CADM2: variants seen among roughly 807,000 people sequenced by gnomAD.
CADM2 encodes immunoglobulin superfamily member 4D.
Under a neutral mutation model 49.8 loss-of-function variants are expected in CADM2, and 12 were observed. That is an observed-to-expected ratio of 0.24 (90% CI 0.15 to 0.39). The LOEUF (loss-of-function observed/expected upper bound fraction) is 0.39, where lower values mean the gene tolerates loss of function less well. CADM2 is among the 10% of genes least tolerant of loss of function. CADM2 has a pLI of 1.00. For synonymous variants in CADM2, 214 were observed against 175.4 expected (o/e 1.22, Z -1.74); for missense variants, 378 against 492.3 (o/e 0.77, Z 2.20).
intron 3 of CADM2, among the ~76,000 whole-genome samples, chr3:85,808,821 AT>A (rs1157768824): frequency 3.3e-5 from 5 of 152,314 alleles, no homozygotes; most frequent in African/African-American, 1.2e-4. Context: ...TATTCTAATA[AT>A]TTTACACTAA....
intron 1 of CADM2, among the ~76,000 whole-genome samples, chr3:85,593,853 A>AC (rs2063174353): frequency 6.6e-6 from 1 of 151,890 alleles, no homozygotes; most frequent in African/African-American, 2.4e-5. Flanking sequence ...TCTCATTGTC[A>AC]CCCCTTCCCT....
intron 5 of CADM2, among the ~76,000 whole-genome samples, chr3:85,888,903 C>G (rs1382848805): frequency 4.6e-5 from 7 of 152,068 alleles, no homozygotes; most frequent in Non-Finnish European, 1.0e-4. Flanking sequence ...AGTTTGACTT[C>G]CTATTACTAT....
intron 1 of CADM2, among the ~76,000 whole-genome samples, chr3:85,618,941 T>C (rs186643257): frequency 6.6e-6 from 1 of 152,010 alleles, no homozygotes; most frequent in Admixed American, 6.6e-5. Context: ...CTCAGGAGGC[T>C]GAGGCAGGAG....
At chr3:85,718,277 T>C (rs2067369962) in intron 1 of CADM2, among the ~76,000 whole-genome samples, 1 of 152,186 alleles carries the variant, frequency 6.6e-6, no homozygotes, top group Non-Finnish European at 1.5e-5. Flanking sequence ...ATTTCTAAAA[T>C]AGCTTTTTGG....
At chr3:85,220,546 GT>G (rs779235036) in intron 1 of CADM2, among the ~76,000 whole-genome samples, 1 of 152,244 alleles carries the variant, frequency 6.6e-6, no homozygotes, top group East Asian at 1.9e-4. Flanking sequence ...TAGGGCTTAT[GT>G]TTGTAATCTG....
intron 1 of CADM2, among the ~76,000 whole-genome samples, chr3:85,449,184 A>AT (rs34217400): frequency 3.3e-5 from 5 of 149,880 alleles, no homozygotes; most frequent in East Asian, 2.0e-4. Flanking sequence ...TTTCATTTTA[A>AT]TTTTTTTTTC....
intron 1 of CADM2, among the ~76,000 whole-genome samples, chr3:85,370,269 A>G (rs1398314047): frequency 6.9e-6 from 1 of 144,058 alleles, no homozygotes; most frequent in Non-Finnish European, 1.5e-5. Context: ...AAATTTTAAA[A>G]AATAACTTGG....
rs145822928 is a variant in CADM2 at position 85,327,715 on chromosome 3, C to A, written c.61+368047C>A. Among the ~76,000 whole-genome samples the A allele has an allele frequency of 4.4e-3, 669 of 152,098 alleles. 6 individuals carry two copies. Among genetic ancestry groups the A allele is most frequent in the South Asian group, 0.015 (70 of 4,826 alleles). On this transcript the variant is annotated intron_variant, in intron 1 of 9. Coordinates refer to ENST00000383699, the MANE Select transcript of CADM2 (RefSeq NM_001167675.2). ...GGTATTTTATTTCATTATAACTATT[C>A]TTTTCTGTTGACAATATATTGCAAG...
chr3:85,781,200 G>A (rs1320513392), intron 2 of CADM2, among the ~76,000 whole-genome samples: 1 of 152,106 alleles, frequency 6.6e-6, no homozygotes, highest in Admixed American at 6.6e-5. Context: ...CTATCACGTA[G>A]CTGGAAAACC....
At chr3:85,563,090 T>C (rs760334709) in intron 1 of CADM2, among the ~76,000 whole-genome samples, 1 of 152,072 alleles carries the variant, frequency 6.6e-6, no homozygotes, top group Non-Finnish European at 1.5e-5. Context: ...AATTAGAAAA[T>C]TATTAGATAA....
At chr3:85,962,592 C>A (rs1284076185) in intron 8 of CADM2, among the ~76,000 whole-genome samples, 1 of 151,792 alleles carries the variant, frequency 6.6e-6, no homozygotes, top group African/African-American at 2.4e-5. Flanking sequence ...AAGGTAGCTT[C>A]TTTTAGATAT....
At chr3:85,065,714 C>T (rs2036504769) in intron 1 of CADM2, among the ~76,000 whole-genome samples, 1 of 152,032 alleles carries the variant, frequency 6.6e-6, no homozygotes, top group South Asian at 2.1e-4. Flanking sequence ...AGCAGGTAAC[C>T]TGGGCCATAT....
chr3:85,217,612 T>C (rs1326959309), intron 1 of CADM2, among the ~76,000 whole-genome samples: 4 of 152,036 alleles, frequency 2.6e-5, no homozygotes, highest in Non-Finnish European at 2.9e-5. Context: ...ATTATAGCAC[T>C]TAATATGAAC....
At chr3:85,034,622 C>CTGGATAGTA (rs900286276) in intron 1 of CADM2, among the ~76,000 whole-genome samples, 1 of 151,942 alleles carries the variant, frequency 6.6e-6, no homozygotes, top group Non-Finnish European at 1.5e-5. Context: ...AGTGGGACTG[C>CTGGATAGTA]TGGATAGTAT....
intron 1 of CADM2, among the ~76,000 whole-genome samples, chr3:85,342,018 T>G (rs924045134): frequency 6.6e-6 from 1 of 152,140 alleles, no homozygotes; most frequent in Non-Finnish European, 1.5e-5. Context: ...AAATTGGATC[T>G]AATTAAACTA....
intron 5 of CADM2, among the ~76,000 whole-genome samples, chr3:85,906,292 C>T (rs1343673602): frequency 2.0e-5 from 3 of 152,050 alleles, no homozygotes; most frequent in Non-Finnish European, 4.4e-5. Flanking sequence ...TAGCACCTCT[C>T]AATGTAGATC....
chr3:85,772,010 T>TTC (rs1035524242), intron 2 of CADM2, among the ~76,000 whole-genome samples: 1 of 84,834 alleles, frequency 1.2e-5, no homozygotes, highest in Non-Finnish European at 2.8e-5. Flanking sequence ...CTTTCTTTCT[T>TTC]TTTTTTTTTT....
intron 1 of CADM2, among the ~76,000 whole-genome samples, chr3:85,422,528 C>T (rs1053170986): frequency 4.6e-5 from 7 of 152,140 alleles, no homozygotes; most frequent in Admixed American, 3.9e-4. Context: ...CCTCCCTTCT[C>T]GGCCTCCCAA....
Position 86,068,821 on chromosome 3 carries a change from T to C in CADM2, c.*2038T>C, listed in dbSNP as rs893677013. 6.6e-6 allele frequency: 1 copy of C among 152,350 alleles called. No individual in the cohort carries two copies. The highest frequency in any genetic ancestry group is 2.4e-5 in the African/African-American group (1 of 41,436). 9.4% of individuals were successfully genotyped at this position (152,350 alleles called of 1,614,324 possible). On this transcript the variant is annotated 3_prime_UTR_variant, in exon 10 of 10. Coordinates refer to ENST00000383699, the MANE Select transcript of CADM2 (RefSeq NM_001167675.2). ...AGGAAATAAGTCTGCATTGATGTGA[T>C]TGCATGCTTGTTTTTACAGTTCACT...
Sources: gnomAD v4.1 joint callset for allele counts (sites outside exome capture counted in the v4.1 genomes callset) on GRCh38, gnomAD v4.1.1 for gene constraint, MANE v1.5 for transcripts, NCBI Gene and HGNC (gene_info 2026-07-23, HGNC 2026-07-21) for gene names.